IMPG1: variants seen among roughly 807,000 people sequenced by gnomAD.
IMPG1 encodes interphotoreceptor matrix proteoglycan of 150 kDa.
Under a neutral mutation model 92.0 loss-of-function variants are expected in IMPG1, and 85 were observed. The ratio of observed to expected loss-of-function variants is 0.92; its 90% CI spans 0.78 to 1.11. The LOEUF (loss-of-function observed/expected upper bound fraction) is 1.11. Among genes scored for constraint, IMPG1 ranks in the 50% least tolerant of loss-of-function variants. The probability of loss-of-function intolerance (pLI) is 0.00; values close to 1 mark genes in which losing one functional copy is unlikely to be tolerated. For missense variants in IMPG1, 1,022 were observed against 956.0 expected, an observed-to-expected ratio of 1.07 and a Z score of -0.91; for synonymous variants, 367 against 334.1, an observed-to-expected ratio of 1.10 and a Z score of -1.08.
At chr6:75,945,941 C>G (rs528916060) in intron 14 of IMPG1, among the ~76,000 whole-genome samples, 2 of 152,260 alleles carry the variant, frequency 1.3e-5, no homozygotes, top group African/African-American at 4.8e-5. Flanking sequence ...TGGATGGGTC[C>G]CTAAGTAAGC....
At chr6:76,013,700 G>T (rs921198175) in intron 7 of IMPG1, among the ~76,000 whole-genome samples, 1 of 151,644 alleles carries the variant, frequency 6.6e-6, no homozygotes, top group South Asian at 2.1e-4. Context: ...CATACACATA[G>T]TAGGGACCCA....
intron 15 of IMPG1, among the ~76,000 whole-genome samples, chr6:75,927,286 T>TG (rs1781572019): frequency 1.3e-5 from 2 of 151,966 alleles, no homozygotes; most frequent in South Asian, 4.2e-4. Flanking sequence ...GGGCAGGGGG[T>TG]GGGGAACTGG....
intron 14 of IMPG1, among the ~76,000 whole-genome samples, chr6:75,943,340 T>G (rs1010151709): frequency 7.9e-5 from 12 of 152,128 alleles, no homozygotes; most frequent in Non-Finnish European, 1.3e-4. Flanking sequence ...AGATCCCTCA[T>G]GATATGAGTA....
chr6:75,930,921 T>C (rs917116386), intron 15 of IMPG1, 32 bp downstream of exon 15: 2 of 1,581,326 alleles, frequency 1.3e-6, no homozygotes, highest in Admixed American at 3.3e-5. Flanking sequence ...TAATGAGTTC[T>C]TGAGTCTGTG....
chr6:75,922,170 A>G lies in IMPG1; in HGVS notation c.2317-4T>C. ...CAGAATTTCTTTTACTGATTACCTG[A>G]AAGAGAAATAGTTTTAAGAACTTAA... On this transcript the variant is annotated splice_polypyrimidine_tract_variant and splice_region_variant and intron_variant, in intron 16 of 16. Transcript: ENST00000369950. 7.3e-6 allele frequency: 9 copies of G among 1,232,800 alleles called. No individual in the cohort carries two copies. The highest frequency in any genetic ancestry group is 9.4e-6 in the Non-Finnish European group (8 of 849,654). The allele number at this position is 1,232,800 out of a possible 1,614,324, so 76.4% of individuals were successfully genotyped here.
rs867747211 is a variant in IMPG1, at chr6:75,921,476, G to A, written c.*613C>T. 1 of 152,546 alleles carries A rather than the reference G, an allele frequency of 6.6e-6. No homozygotes were observed. Among genetic ancestry groups the A allele is most frequent in the South Asian group, 2.1e-4 (1 of 4,828 alleles). 9.4% of individuals were successfully genotyped at this position (152,546 alleles called of 1,614,324 possible). On this transcript the variant is annotated 3_prime_UTR_variant, in exon 17 of 17. Transcript: ENST00000369950. Reference sequence around the variant, plus strand: ...TATCTGAACCTCAGTTTCTTTTAAAGAACAATTCAAAGATTATTGGCAACA... The same window carrying A: ...TATCTGAACCTCAGTTTCTTTTAAAAAACAATTCAAAGATTATTGGCAACA...
intron 12 of IMPG1, among the ~76,000 whole-genome samples, chr6:75,958,258 T>C (rs1296451970): frequency 6.6e-6 from 1 of 152,252 alleles, no homozygotes; most frequent in African/African-American, 2.4e-5. Flanking sequence ...AGACCTGCTG[T>C]TAATCTGATG....
intron 8 of IMPG1, among the ~76,000 whole-genome samples, chr6:76,008,328 C>T (rs959988239): frequency 6.6e-6 from 1 of 152,142 alleles, no homozygotes; most frequent in African/African-American, 2.4e-5. Flanking sequence ...CCTTTGGACA[C>T]ATGTATGAAT....
chr6:76,049,464 C>G (rs985987071), intron 1 of IMPG1, among the ~76,000 whole-genome samples: 7 of 151,686 alleles, frequency 4.6e-5, no homozygotes, highest in African/African-American at 1.5e-4. Flanking sequence ...TACCTTTATT[C>G]TCTCTCTCTC....
At chr6:76,014,034 T>C (rs962494330) in intron 7 of IMPG1, among the ~76,000 whole-genome samples, 13 of 152,208 alleles carry the variant, frequency 8.5e-5, no homozygotes, top group African/African-American at 2.9e-4. Context: ...GAGCTCTTTG[T>C]ACGGGATGGG....
At chr6:76,020,777 C>CTACAAACCA (rs1783409208) in intron 6 of IMPG1, among the ~76,000 whole-genome samples, 1 of 152,136 alleles carries the variant, frequency 6.6e-6, no homozygotes. Flanking sequence ...GAGTCATGCC[C>CTACAAACCA]TACAAACCAT....
intron 1 of IMPG1, among the ~76,000 whole-genome samples, chr6:76,053,431 C>G (rs1784074511): frequency 6.6e-6 from 1 of 152,134 alleles, no homozygotes; most frequent in Non-Finnish European, 1.5e-5. Flanking sequence ...AACAAGAATT[C>G]AGAGACCCAC....
At chr6:75,979,867 T>G (rs1241891797) in intron 12 of IMPG1, among the ~76,000 whole-genome samples, 3 of 152,226 alleles carry the variant, frequency 2.0e-5, no homozygotes, top group Non-Finnish European at 4.4e-5. Context: ...CTCACCCTGT[T>G]AAACCACAGG....
intron 6 of IMPG1, among the ~76,000 whole-genome samples, chr6:76,020,735 T>A (rs1327117175): frequency 6.6e-6 from 1 of 152,162 alleles, no homozygotes; most frequent in Non-Finnish European, 1.5e-5. Context: ...GTTTTTCTTA[T>A]CTTGCCCAAA....
rs548434091 is a variant in IMPG1 at position 75,998,907 on chromosome 6, A to AGTGTAGTG, written c.1291+4003_1291+4010dup. Among the ~76,000 whole-genome samples, 40 of 152,254 alleles carry AGTGTAGTG rather than the reference A, an allele frequency of 2.6e-4. No homozygotes were observed. The East Asian group carries it at 4.1e-3, about 15-fold the overall frequency. Reference sequence around the variant, plus strand: ...AGTCTTGCTCTGTCACCCAGACTGGAGTGTAGTGGAGCGATCTTGGCTCAC... The same window carrying AGTGTAGTG: ...AGTCTTGCTCTGTCACCCAGACTGGAGTGTAGTGGTGTAGTGGAGCGATCTTGGCTCAC... On this transcript the variant is annotated intron_variant, in intron 12 of 16. Coordinates refer to ENST00000369950, the MANE Select transcript of IMPG1 (RefSeq NM_001563.4).
At chr6:76,070,456 C>T (rs1158178710) in intron 1 of IMPG1, among the ~76,000 whole-genome samples, 2 of 152,144 alleles carry the variant, frequency 1.3e-5, no homozygotes, top group Non-Finnish European at 2.9e-5. Flanking sequence ...CCAGCAATCC[C>T]ACTGCTGGGT....
At chr6:76,058,605 T>A in intron 1 of IMPG1, among the ~76,000 whole-genome samples, 1 of 152,196 alleles carries the variant, frequency 6.6e-6, no homozygotes, top group East Asian at 1.9e-4. Flanking sequence ...GTGCAAGCCT[T>A]ACAGCTTCTG....
Position 76,002,916 on chromosome 6 carries a change from A to C in IMPG1, c.1291+2T>G. On this transcript the variant is annotated splice_donor_variant, in intron 12 of 16. Coordinates refer to ENST00000369950, the MANE Select transcript of IMPG1 (RefSeq NM_001563.4). LOFTEE classifies it high-confidence loss of function. ...ACATAGACTTTGTGAGGGGAAACTT[A>C]CCAGGTAGACCATGCTCTGCTCCGT... The C allele has an allele frequency of 6.2e-7, 1 of 1,610,940 alleles. No homozygotes were observed. The highest frequency in any genetic ancestry group is 8.5e-7 in the Non-Finnish European group (1 of 1,177,180).
intron 6 of IMPG1, among the ~76,000 whole-genome samples, chr6:76,021,778 C>CATATAT (rs140827081): frequency 0.019 from 923 of 49,490 alleles, 61 homozygotes; most frequent in African/African-American, 0.06. Context: ...ACTTGGAGAG[C>CATATAT]ATATATATAT....
Sources: gnomAD v4.1 joint callset for allele counts (sites outside exome capture counted in the v4.1 genomes callset) on GRCh38, gnomAD v4.1.1 for gene constraint, MANE v1.5 for transcripts, NCBI Gene and HGNC (gene_info 2026-07-23, HGNC 2026-07-21) for gene names.